CPNE8: variants seen among roughly 807,000 people sequenced by gnomAD.
CPNE8 encodes copine-8.
CPNE8 carries 45 observed loss-of-function variants against 81.5 expected under a neutral mutation model. The ratio of observed to expected loss-of-function variants is 0.55; its 90% confidence interval spans 0.44 to 0.71. The LOEUF is 0.71. Among genes scored for constraint, CPNE8 ranks in the 30% least tolerant of loss-of-function variants. CPNE8 has a pLI of 0.00. For synonymous variants in CPNE8, 252 were observed against 226.3 expected, an observed-to-expected ratio of 1.11 and a Z score of -1.02; for missense variants, 594 against 672.1, an observed-to-expected ratio of 0.88 and a Z score of 1.28.
At chr12:38,815,174 CCTGGG>C (rs1943004778) in intron 6 of CPNE8, among the ~76,000 whole-genome samples, 2 of 152,152 alleles carry the variant, frequency 1.3e-5, no homozygotes, top group Admixed American at 1.3e-4. Flanking sequence ...ACCACTGGGT[CCTGGG>C]CTCCAGCCAT....
chr12:38,807,599 A>T (rs1942839690), intron 6 of CPNE8, among the ~76,000 whole-genome samples: 1 of 151,478 alleles, frequency 6.6e-6, no homozygotes, highest in Admixed American at 6.6e-5. Flanking sequence ...ACAAAAATTA[A>T]TTCAAGATGG....
chr12:38,815,304 T>A (rs1486232972), intron 6 of CPNE8, among the ~76,000 whole-genome samples: 1 of 152,174 alleles, frequency 6.6e-6, no homozygotes. Context: ...TACCCTTTCC[T>A]CTTCTCACCA....
intron 5 of CPNE8, among the ~76,000 whole-genome samples, chr12:38,836,063 C>A (rs1189053873): frequency 2.6e-5 from 4 of 152,030 alleles, no homozygotes; most frequent in Admixed American, 2.6e-4. Context: ...TTGGCTTATG[C>A]AATTTAATTA....
At chr12:38,906,182 A>T, upstream of CPNE8, 1 of 985,450 alleles carries the variant, frequency 1.0e-6, no homozygotes, top group Non-Finnish European at 1.2e-6. Context: ...CGTCCCTCCT[A>T]CTGTGCCCTC....
intron 6 of CPNE8, among the ~76,000 whole-genome samples, chr12:38,815,152 C>A (rs1201555353): frequency 6.6e-6 from 1 of 152,178 alleles, no homozygotes; most frequent in Non-Finnish European, 1.5e-5. Context: ...CAGAGCCAAA[C>A]AGGCTGGTGC....
intron 1 of CPNE8, among the ~76,000 whole-genome samples, chr12:38,904,370 C>T (rs1214463992): frequency 1.3e-5 from 2 of 151,900 alleles, no homozygotes; most frequent in East Asian, 1.9e-4. Flanking sequence ...TATGATATAG[C>T]GGTGATGCTG....
chr12:38,791,711 C>G (rs534350457), intron 6 of CPNE8, among the ~76,000 whole-genome samples: 1 of 151,568 alleles, frequency 6.6e-6, no homozygotes, highest in Non-Finnish European at 1.5e-5. Flanking sequence ...AAGGAACTAA[C>G]TTGAACAACA....
At chr12:38,692,233 G>A (rs1054352841) in intron 15 of CPNE8, among the ~76,000 whole-genome samples, 2 of 151,934 alleles carry the variant, frequency 1.3e-5, no homozygotes, top group African/African-American at 4.8e-5. Flanking sequence ...AGGTTGCAGT[G>A]AGCTGAGATC....
At chr12:38,904,542 C>T (rs1341212451) in intron 1 of CPNE8, among the ~76,000 whole-genome samples, 7 of 148,604 alleles carry the variant, frequency 4.7e-5, no homozygotes, top group Non-Finnish European at 8.9e-5. Flanking sequence ...GATCTCAGCT[C>T]ATTGCAACAT....
Position 38,713,712 on chromosome 12 carries a change from A to G in CPNE8, c.914+10060T>C, listed in dbSNP as rs144270157. ...CCACTCTGTGTTCAGACCTATAAAA[A>G]TATTTTAAAATTATGTCTCTTTGAA... On this transcript the variant is annotated intron_variant, in intron 13 of 19. Coordinates refer to ENST00000331366, the MANE Select transcript of CPNE8 (RefSeq NM_153634.3). 1.1e-4 allele frequency among the ~76,000 whole-genome samples: 16 copies of G among 152,340 alleles called. No homozygotes were observed. The East Asian group carries it at 3.1e-3, about 29-fold the overall frequency.
Position 38,857,063 on chromosome 12 carries a change from CT to C in CPNE8, c.187-8402del, listed in dbSNP as rs560022530. Among the ~76,000 whole-genome samples, 15 of 151,560 alleles carry C rather than the reference CT, an allele frequency of 9.9e-5. No individual in the cohort carries two copies. In the South Asian group the frequency reaches 3.1e-3, roughly 32 times the overall value. On this transcript the variant is annotated intron_variant, in intron 3 of 19. Coordinates refer to ENST00000331366, the MANE Select transcript of CPNE8 (RefSeq NM_153634.3). Reference sequence around the variant, plus strand: ...GAGATGTTTACCTTAATCTTGTTGTCTTTTTCCTTAATTTTCAAAATAAAGG... The same window carrying C: ...GAGATGTTTACCTTAATCTTGTTGTCTTTTCCTTAATTTTCAAAATAAAGG...
At chr12:38,747,642 T>C (rs1941258234) in intron 10 of CPNE8, among the ~76,000 whole-genome samples, 1 of 152,144 alleles carries the variant, frequency 6.6e-6, no homozygotes, top group Non-Finnish European at 1.5e-5. Flanking sequence ...CTGTTCAATA[T>C]AGTAGACATT....
At chr12:38,879,802 T>C (rs948944442) in intron 1 of CPNE8, among the ~76,000 whole-genome samples, 24 of 152,240 alleles carry the variant, frequency 1.6e-4, no homozygotes, top group African/African-American at 5.5e-4. Context: ...TTTAAAGTTC[T>C]AATTTAATTA....
intron 19 of CPNE8, among the ~76,000 whole-genome samples, chr12:38,662,872 A>T (rs1938989694): frequency 6.7e-6 from 1 of 150,184 alleles, no homozygotes. Context: ...CAAATGCATC[A>T]AGAACATACA....
intron 7 of CPNE8, among the ~76,000 whole-genome samples, chr12:38,769,087 T>G (rs1941748221): frequency 3.3e-5 from 5 of 152,212 alleles, no homozygotes. Flanking sequence ...TCACTCATTT[T>G]CTTACTTAGC....
At chr12:38,786,599 T>C (rs767884010) in intron 6 of CPNE8, among the ~76,000 whole-genome samples, 1 of 152,084 alleles carries the variant, frequency 6.6e-6, no homozygotes, top group Non-Finnish European at 1.5e-5. Flanking sequence ...GTTATTAATA[T>C]ATATATATTC....
intron 5 of CPNE8, among the ~76,000 whole-genome samples, chr12:38,839,536 C>G (rs1359137509): frequency 6.6e-6 from 1 of 150,530 alleles, no homozygotes; most frequent in East Asian, 1.9e-4. Context: ...AAAAAAAAAA[C>G]AGAATAACAA....
intron 6 of CPNE8, among the ~76,000 whole-genome samples, chr12:38,827,298 T>C (rs1041043354): frequency 6.6e-6 from 1 of 152,056 alleles, no homozygotes; most frequent in Non-Finnish European, 1.5e-5. Flanking sequence ...TCAGAGTGGC[T>C]ATTACTAAAA....
At chr12:38,655,760 T>C (rs929404788) in intron 19 of CPNE8, among the ~76,000 whole-genome samples, 3 of 152,030 alleles carry the variant, frequency 2.0e-5, no homozygotes, top group Non-Finnish European at 4.4e-5. Flanking sequence ...GCAATGAAGG[T>C]AGTCTCTTTT....
Sources: gnomAD v4.1 joint callset for allele counts (sites outside exome capture counted in the v4.1 genomes callset) on GRCh38, gnomAD v4.1.1 for gene constraint, MANE v1.5 for transcripts, NCBI Gene and HGNC (gene_info 2026-07-23, HGNC 2026-07-21) for gene names.